Variants in TANC2 observed in about 807,000 individuals in gnomAD.
TANC2 encodes the protein protein TANC2.
TANC2 carries 26 observed loss-of-function variants against 210.5 expected under a neutral mutation model. The observed-to-expected ratio is 0.12, with a 90% CI of 0.09 to 0.17. The LOEUF is 0.17. TANC2 is among the 10% of genes least tolerant of loss of function. The probability of loss-of-function intolerance (pLI) is 1.00; values close to 1 mark genes in which losing one functional copy is unlikely to be tolerated. For missense variants in TANC2, 2,129 were observed against 2,608.9 expected, an observed-to-expected ratio of 0.82 and a Z score of 4.01; for synonymous variants, 931 against 967.1, an observed-to-expected ratio of 0.96 and a Z score of 0.69.
chr17:63,027,617 A>G (rs926305343), intron 2 of TANC2, among the ~76,000 whole-genome samples: 6 of 151,716 alleles, frequency 4.0e-5, no homozygotes, highest in Non-Finnish European at 8.8e-5. Flanking sequence ...CCTTATGATA[A>G]TATAGTTATG....
chr17:63,366,734 A>T (rs1258250359), intron 14 of TANC2, among the ~76,000 whole-genome samples: 1 of 152,218 alleles, frequency 6.6e-6, no homozygotes, highest in African/African-American at 2.4e-5. Context: ...CTTACAGTTT[A>T]CTTTCACAAG....
chr17:63,351,329 G>A (rs778622406), exon 13 of TANC2: 1 of 1,610,528 alleles, frequency 6.2e-7, no homozygotes, highest in Admixed American at 1.7e-5. Context: ...CGGATTATGG[G>A]GATACAATTG....
At chr17:63,410,418 C>T (rs1420078151) in intron 21 of TANC2, among the ~76,000 whole-genome samples, 1 of 145,854 alleles carries the variant, frequency 6.9e-6, no homozygotes, top group Non-Finnish European at 1.5e-5. Context: ...AGATTAAACT[C>T]TAGATTTCTT....
At chr17:63,195,542 A>T (rs1005564847) in intron 6 of TANC2, among the ~76,000 whole-genome samples, 1 of 152,168 alleles carries the variant, frequency 6.6e-6, no homozygotes, top group Non-Finnish European at 1.5e-5. Flanking sequence ...TGCTACTGCA[A>T]TAGGTACTAG....
At chr17:63,314,393 T>C (rs2045243650) in exon 10 of TANC2, 1 of 1,613,628 alleles carries the variant, frequency 6.2e-7, no homozygotes, top group Admixed American at 1.7e-5. Context: ...TTCAGTTCGC[T>C]TTGCACCTTA....
chr17:63,318,890 A>G, intron 10 of TANC2, 67 bp from the exon 11 acceptor site: 1 of 1,553,276 alleles, frequency 6.4e-7, no homozygotes, highest in Admixed American at 1.7e-5. Flanking sequence ...AACAAATGGA[A>G]TTTAGCCATT....
At chr17:63,367,539 G>A (rs147644903) in intron 14 of TANC2, among the ~76,000 whole-genome samples, 1 of 152,236 alleles carries the variant, frequency 6.6e-6, no homozygotes, top group Non-Finnish European at 1.5e-5. Context: ...GTCAGACACA[G>A]CAACCAACAA....
intron 5 of TANC2, among the ~76,000 whole-genome samples, chr17:63,166,640 A>G (rs1180873284): frequency 1.3e-5 from 2 of 152,208 alleles, no homozygotes; most frequent in African/African-American, 4.8e-5. Flanking sequence ...AGTAATGTTG[A>G]GAATATTAGA....
intron 4 of TANC2, among the ~76,000 whole-genome samples, chr17:63,121,638 A>T (rs1187170201): frequency 6.6e-6 from 1 of 152,160 alleles, no homozygotes; most frequent in Non-Finnish European, 1.5e-5. Flanking sequence ...TTATAATAAA[A>T]ATGTTTCCCA....
chr17:63,097,558 G>T (rs982286774), intron 3 of TANC2, among the ~76,000 whole-genome samples: 1 of 147,686 alleles, frequency 6.8e-6, no homozygotes, highest in African/African-American at 2.5e-5. Flanking sequence ...AACGATAGCT[G>T]ATAAGCTTTA....
chr17:63,287,977 G>A (rs965483949), intron 9 of TANC2, among the ~76,000 whole-genome samples: 8 of 152,072 alleles, frequency 5.3e-5, no homozygotes, highest in East Asian at 3.9e-4. Context: ...GTGCCTGGCC[G>A]AATGTCCTGT....
chr17:63,005,620 G>GT lies in TANC2; in HGVS notation c.-23-3908dup, dbSNP rs571308691. Among the ~76,000 whole-genome samples, 112 of 150,764 alleles carry GT rather than the reference G, an allele frequency of 7.4e-4. 1 individual carries two copies. In the East Asian group the frequency reaches 0.013, roughly 18 times the overall value. On this transcript the variant is annotated intron_variant, in intron 1 of 27. Coordinates refer to ENST00000689528, the Ensembl canonical transcript of TANC2. ...CCACTTACTTAGGTTGTCTTTAATG[G>GT]TTTTTTTTTGTTACTGTTAAGCAAC...
At position 63,159,372 on chromosome 17, in the gene TANC2, T is replaced by C. The variant is rs17745644; in HGVS notation, c.433+7992T>C. On this transcript the variant is annotated intron_variant, in intron 5 of 27. Coordinates refer to ENST00000689528, the Ensembl canonical transcript of TANC2. ...ATGTTTTCACTGTCTTTTGAAAATA[T>C]TTTTAGCTCTTATTTAAAAAGTTAT... is the stretch of plus-strand genomic sequence containing the variant. Among the ~76,000 whole-genome samples the C allele has an allele frequency of 2.2e-3, 337 of 152,344 alleles. 1 individual carries two copies. The highest frequency in any genetic ancestry group is 0.01 in the Middle Eastern group (3 of 294).
At chr17:63,141,495 A>T (rs897849826) in intron 4 of TANC2, among the ~76,000 whole-genome samples, 6 of 150,566 alleles carry the variant, frequency 4.0e-5, no homozygotes, top group Non-Finnish European at 8.9e-5. Context: ...TGAACCCAGA[A>T]GGTGAGGTTG....
intron 1 of TANC2, among the ~76,000 whole-genome samples, chr17:62,972,436 A>G (rs2031754856): frequency 6.6e-6 from 1 of 152,176 alleles, no homozygotes; most frequent in Non-Finnish European, 1.5e-5. Context: ...TTCTTTGTTT[A>G]TCAGAACTTA....
chr17:63,025,222 C>CT (rs2034501164), intron 2 of TANC2, among the ~76,000 whole-genome samples: 1 of 151,972 alleles, frequency 6.6e-6, no homozygotes, highest in East Asian at 1.9e-4. Flanking sequence ...TGCTGTAGAA[C>CT]ATTGGTCTCA....
At chr17:63,335,530 G>A (rs528952995) in intron 11 of TANC2, among the ~76,000 whole-genome samples, 8 of 151,644 alleles carry the variant, frequency 5.3e-5, no homozygotes, top group African/African-American at 1.9e-4. Flanking sequence ...GGAGAATCAC[G>A]TGAACCTGGG....
chr17:63,225,221 T>C (rs1040053067), intron 7 of TANC2, among the ~76,000 whole-genome samples: 4 of 152,212 alleles, frequency 2.6e-5, no homozygotes, highest in African/African-American at 4.8e-5. Flanking sequence ...TTAGTTCTTA[T>C]TACAGTTAAT....
intron 2 of TANC2, among the ~76,000 whole-genome samples, chr17:63,064,894 A>G (rs1448587195): frequency 6.6e-6 from 1 of 151,568 alleles, no homozygotes; most frequent in Admixed American, 6.6e-5. Flanking sequence ...TGTGGAGAAT[A>G]TTTAATATCT....
Sources: gnomAD v4.1 joint callset for allele counts (sites outside exome capture counted in the v4.1 genomes callset) on GRCh38, gnomAD v4.1.1 for gene constraint, MANE v1.5 for transcripts, NCBI Gene and HGNC (gene_info 2026-07-23, HGNC 2026-07-21) for gene names.